Variants in JAK1 observed in about 807,000 individuals in gnomAD.
The protein encoded by JAK1 is tyrosine-protein kinase JAK1.
A neutral mutation model predicts 136.6 loss-of-function variants in JAK1; 16 were observed. That is an observed-to-expected ratio of 0.12 (90% CI 0.08 to 0.18). The LOEUF is 0.18. Ranked by LOEUF, JAK1 falls within the 10% of genes least tolerant of loss-of-function variation. The pLI is 1.00. For missense variants in JAK1, 859 were observed against 1,450.1 expected (o/e 0.59, Z 6.62); for synonymous variants, 492 against 519.5 (o/e 0.95, Z 0.72).
At chr1:64,904,915 AG>A (rs1425623294) in intron 1 of JAK1, among the ~76,000 whole-genome samples, 1 of 152,166 alleles carries the variant, frequency 6.6e-6, no homozygotes, top group Non-Finnish European at 1.5e-5. Context: ...GCCCGGAAAA[AG>A]TTATATTTAC....
chr1:64,865,424 T>C (rs1390198058), intron 7 of JAK1, among the ~76,000 whole-genome samples: 1 of 152,232 alleles, frequency 6.6e-6, no homozygotes, highest in Non-Finnish European at 1.5e-5. Flanking sequence ...GTCGGGATTT[T>C]CCAGAGAAGA....
At chr1:64,966,143 C>T (rs979152375) in intron 1 of JAK1, among the ~76,000 whole-genome samples, 190 bp downstream of exon 1, 3 of 151,880 alleles carry the variant, frequency 2.0e-5, no homozygotes, top group Non-Finnish European at 4.4e-5. Flanking sequence ...GCCGGCTCCG[C>T]GGGGCTGGAA....
At chr1:64,850,714 AAC>A (rs1655531231) in intron 12 of JAK1, 88 bp downstream of exon 12, 2 of 849,320 alleles carry the variant, frequency 2.4e-6, no homozygotes, top group African/African-American at 3.3e-5. Flanking sequence ...GATTTCCCCA[AAC>A]ACAGCCTTCC....
At chr1:65,034,393 C>G (rs1647051838) in intron 2 of JAK1, among the ~76,000 whole-genome samples, 1 of 152,124 alleles carries the variant, frequency 6.6e-6, no homozygotes. Flanking sequence ...AGCTCATTAC[C>G]CTAAGGTCTT....
upstream of JAK1, among the ~76,000 whole-genome samples, chr1:64,967,835 G>C (rs751988594): frequency 5.3e-5 from 8 of 152,144 alleles, no homozygotes; most frequent in Non-Finnish European, 7.3e-5. Context: ...GAAGACCGGA[G>C]ATCAGAGCAG....
upstream of JAK1, among the ~76,000 whole-genome samples, chr1:64,966,765 G>A (rs2100657737): frequency 1.3e-5 from 2 of 149,936 alleles, no homozygotes; most frequent in South Asian, 4.2e-4. Flanking sequence ...GCGTCCTCTA[G>A]ATTCTAGAAT....
chr1:64,882,408 A>T (rs1049183042), intron 3 of JAK1, among the ~76,000 whole-genome samples: 2 of 152,214 alleles, frequency 1.3e-5, no homozygotes, highest in African/African-American at 2.4e-5. Flanking sequence ...AAACGAGTTG[A>T]TAGAACCTTT....
intron 1 of JAK1, among the ~76,000 whole-genome samples, chr1:64,891,481 T>C (rs1409747887): frequency 6.6e-6 from 1 of 152,208 alleles, no homozygotes; most frequent in Non-Finnish European, 1.5e-5. Flanking sequence ...CAGCCTTCCC[T>C]GTGTTCCTGC....
chr1:64,894,912 A>G (rs1644992680), intron 1 of JAK1, among the ~76,000 whole-genome samples: 1 of 152,100 alleles, frequency 6.6e-6, no homozygotes, highest in Non-Finnish European at 1.5e-5. Context: ...GCCAACAAAG[A>G]CTCCAATCTT....
chr1:64,989,002 G>GTGTATATATATATATA (rs545656432), intron 2 of JAK1, among the ~76,000 whole-genome samples: 1 of 129,238 alleles, frequency 7.7e-6, no homozygotes, highest in African/African-American at 2.8e-5. Flanking sequence ...GTGTGTGTGT[G>GTGTATATATATATATA]TATATATATA....
At chr1:64,925,709 G>A (rs1645571899) in intron 1 of JAK1, among the ~76,000 whole-genome samples, 1 of 152,118 alleles carries the variant, frequency 6.6e-6, no homozygotes. Context: ...TGTTCTTCAG[G>A]CACATAGTGT....
intron 9 of JAK1, among the ~76,000 whole-genome samples, chr1:64,858,381 G>A (rs539945955): frequency 5.9e-5 from 9 of 151,878 alleles, no homozygotes; most frequent in Non-Finnish European, 1.3e-4. Context: ...TGGTGAGAGA[G>A]GGCCGCCATG....
intron 2 of JAK1, chr1:64,972,198 A>G (rs1166174011): frequency 4.6e-5 from 7 of 152,266 alleles, no homozygotes; most frequent in African/African-American, 1.7e-4. Context: ...TGTTAAAAGA[A>G]AAATAGAAAC....
chr1:64,838,174 C>G, intron 21 of JAK1, 70 bp from the exon 22 acceptor site: 1 of 1,416,582 alleles, frequency 7.1e-7, no homozygotes, highest in Non-Finnish European at 9.5e-7. Flanking sequence ...ATCACTTCAT[C>G]AGAAAAAATA....
chr1:64,892,453 G>T (rs1313085728), intron 1 of JAK1, among the ~76,000 whole-genome samples: 2 of 152,052 alleles, frequency 1.3e-5, no homozygotes, highest in Non-Finnish European at 2.9e-5. Context: ...GTTAATTTTT[G>T]TTGTTGTTGT....
intron 1 of JAK1, among the ~76,000 whole-genome samples, chr1:64,943,044 C>T (rs1443575338): frequency 6.6e-6 from 1 of 151,780 alleles, no homozygotes; most frequent in Non-Finnish European, 1.5e-5. Context: ...ACAATTAGGC[C>T]CTATTTGGCT....
intron 1 of JAK1, among the ~76,000 whole-genome samples, chr1:64,913,637 AAGGG>A (rs1388161308): frequency 1.7e-5 from 2 of 120,114 alleles, no homozygotes; most frequent in Non-Finnish European, 3.3e-5. Flanking sequence ...GGGAGGGAGG[AAGGG>A]AGGAAGGAAG....
intron 2 of JAK1, among the ~76,000 whole-genome samples, chr1:65,000,063 T>C (rs1160272492): frequency 6.6e-6 from 1 of 150,776 alleles, no homozygotes; most frequent in African/African-American, 2.4e-5. Context: ...CGATCTTGGG[T>C]CACTGCAACC....
intron 2 of JAK1, among the ~76,000 whole-genome samples, chr1:65,007,154 GA>G (rs1646810069): frequency 6.6e-6 from 1 of 152,178 alleles, no homozygotes; most frequent in Non-Finnish European, 1.5e-5. Flanking sequence ...TCACTTTTAT[GA>G]ATGTAAATAG....
Sources: allele counts gnomAD v4.1 joint callset (sites outside exome capture counted in the v4.1 genomes callset), GRCh38; gene constraint gnomAD v4.1.1; transcripts MANE v1.5; gene names NCBI Gene and HGNC (gene_info 2026-07-23, HGNC 2026-07-21).